The following F13A1 variants were observed in gnomAD, a reference collection of about 807,000 sequenced individuals.
The protein encoded by F13A1 is coagulation factor XIII A chain, also known as FSF, A subunit.
Under a neutral mutation model 80.1 loss-of-function variants are expected in F13A1, and 47 were observed. The ratio of observed to expected loss-of-function variants is 0.59; its 90% CI spans 0.46 to 0.75. The LOEUF (loss-of-function observed/expected upper bound fraction) is 0.75. Among genes scored for constraint, F13A1 ranks in the 30% least tolerant of loss-of-function variants. The probability of loss-of-function intolerance (pLI) is 0.00; values close to 1 mark genes in which losing one functional copy is unlikely to be tolerated. For synonymous variants in F13A1, 349 were observed against 344.9 expected (o/e 1.01, Z -0.13); for missense variants, 817 against 930.4 (o/e 0.88, Z 1.59).
rs528861364 is a variant in F13A1, at chr6:6,190,052, T to C, written c.1305+5745A>G. Among the ~76,000 whole-genome samples the C allele has an allele frequency of 4.9e-3, 744 of 151,994 alleles. 10 individuals carry two copies. Among genetic ancestry groups the C allele is most frequent in the African/African-American group, 0.016 (670 of 41,262 alleles). ...GCTTCTGCATTCTTCACGTAGGTCT[T>C]GAGCCTTGCTTTTCAGCTCCATCAG... On this transcript the variant is annotated intron_variant, in intron 10 of 14. Coordinates refer to ENST00000264870, the MANE Select transcript of F13A1 (RefSeq NM_000129.4).
chr6:6,189,719 G>A (rs546660375), intron 10 of F13A1, among the ~76,000 whole-genome samples: 6 of 146,306 alleles, frequency 4.1e-5, no homozygotes, highest in South Asian at 4.7e-4. Context: ...TGCTCTTCTC[G>A]AGGAGTATCT....
chr6:6,303,159 T>C (rs537480442), intron 3 of F13A1, among the ~76,000 whole-genome samples: 100 of 152,338 alleles, frequency 6.6e-4, no homozygotes, highest in Non-Finnish European at 1.1e-3. Context: ...TATGTCCTAC[T>C]AAATATTTTT....
At chr6:6,211,697 G>T (rs559361074) in intron 8 of F13A1, among the ~76,000 whole-genome samples, 3 of 152,248 alleles carry the variant, frequency 2.0e-5, no homozygotes, top group African/African-American at 4.8e-5. Context: ...AATAGGAACA[G>T]CTCCAGTCTA....
chr6:6,253,560 G>C (rs1757664516), intron 4 of F13A1, among the ~76,000 whole-genome samples: 1 of 152,162 alleles, frequency 6.6e-6, no homozygotes, highest in South Asian at 2.1e-4. Context: ...CTCTCCAGCT[G>C]TTCCCACCGG....
At chr6:6,290,691 C>A (rs1445249825) in intron 3 of F13A1, among the ~76,000 whole-genome samples, 1 of 152,136 alleles carries the variant, frequency 6.6e-6, no homozygotes, top group East Asian at 1.9e-4. Context: ...GAAACACTGT[C>A]CTACTTTCTT....
At chr6:6,195,979 G>A in intron 9 of F13A1, 94 bp from the exon 10 acceptor site, 1 of 1,140,540 alleles carries the variant, frequency 8.8e-7, no homozygotes, top group East Asian at 2.4e-5. Context: ...ACTCTGTAAA[G>A]ACCAGTGTTC....
At chr6:6,214,729 A>G (rs1456570946) in intron 8 of F13A1, among the ~76,000 whole-genome samples, 1 of 79,954 alleles carries the variant, frequency 1.3e-5, no homozygotes, top group East Asian at 3.0e-4. Context: ...CAAAAAATTA[A>G]TGAATCCAGG....
At chr6:6,158,076 G>A (rs556110161) in intron 13 of F13A1, among the ~76,000 whole-genome samples, 1 of 152,298 alleles carries the variant, frequency 6.6e-6, no homozygotes, top group South Asian at 2.1e-4. Flanking sequence ...CGAGGGGATG[G>A]AGAGTCAGCT....
intron 4 of F13A1, among the ~76,000 whole-genome samples, chr6:6,265,247 A>T (rs1350026968): frequency 6.6e-6 from 1 of 152,242 alleles, no homozygotes; most frequent in African/African-American, 2.4e-5. Context: ...TACAAGGATC[A>T]TTCAAAATCA....
At chr6:6,278,383 T>G (rs902829299) in intron 3 of F13A1, among the ~76,000 whole-genome samples, 1 of 151,916 alleles carries the variant, frequency 6.6e-6, no homozygotes, top group Non-Finnish European at 1.5e-5. Context: ...AGAAGAGACT[T>G]GAGAAAAGTG....
chr6:6,253,845 A>C (rs1001788299), intron 4 of F13A1, among the ~76,000 whole-genome samples: 2 of 152,216 alleles, frequency 1.3e-5, no homozygotes, highest in African/African-American at 2.4e-5. Flanking sequence ...AGATCTGATC[A>C]ATACGTGGTG....
At chr6:6,291,560 A>G (rs1007201422) in intron 3 of F13A1, among the ~76,000 whole-genome samples, 51 of 151,930 alleles carry the variant, frequency 3.4e-4, no homozygotes, top group African/African-American at 1.2e-3. Context: ...CCAACTGTTG[A>G]CTCCAGTGGG....
chr6:6,201,332 C>T (rs762698972), intron 8 of F13A1, among the ~76,000 whole-genome samples: 9 of 152,148 alleles, frequency 5.9e-5, no homozygotes, highest in Non-Finnish European at 1.2e-4. Context: ...ATGGCTGAGA[C>T]GTTATCTGTG....
intron 10 of F13A1, among the ~76,000 whole-genome samples, chr6:6,191,709 A>G (rs1441710989): frequency 3.3e-5 from 5 of 152,000 alleles, no homozygotes; most frequent in Admixed American, 6.5e-5. Context: ...TGGTTTGTTT[A>G]TTTGTTTCCA....
intron 12 of F13A1, among the ~76,000 whole-genome samples, chr6:6,167,952 G>T (rs945108109): frequency 6.6e-6 from 1 of 152,194 alleles, no homozygotes; most frequent in Non-Finnish European, 1.5e-5. Flanking sequence ...TGGTGGCTTT[G>T]ATTTGGGCCG....
intron 2 of F13A1, among the ~76,000 whole-genome samples, chr6:6,313,886 T>C (rs953028632): frequency 1.3e-5 from 2 of 152,108 alleles, no homozygotes; most frequent in Admixed American, 6.5e-5. Flanking sequence ...ATGAGCCCCA[T>C]ACCTCCAGGG....
chr6:6,198,305 T>C (rs1447934421), intron 8 of F13A1, among the ~76,000 whole-genome samples: 2 of 152,246 alleles, frequency 1.3e-5, no homozygotes, highest in African/African-American at 2.4e-5. Context: ...TGTATTATTA[T>C]GTCCTTGAAA....
At position 6,212,112 on chromosome 6, in the gene F13A1, G is replaced by A. The variant is rs185846079; in HGVS notation, c.1112+9921C>T. ...CAGCAAGGCTGGCGGAGGGGCGCCC[G>A]CCATTGCCCAGGTTTGCTTAGGTAA... On this transcript the variant is annotated intron_variant, in intron 8 of 14. Transcript: ENST00000264870. Among the ~76,000 whole-genome samples, 997 of 152,358 alleles carry A rather than the reference G, an allele frequency of 6.5e-3. 8 individuals are homozygous for A. The highest frequency in any genetic ancestry group is 0.054 in the Middle Eastern group (16 of 294).
At chr6:6,232,289 G>A (rs1170370275) in intron 6 of F13A1, among the ~76,000 whole-genome samples, 1 of 152,146 alleles carries the variant, frequency 6.6e-6, no homozygotes, top group Non-Finnish European at 1.5e-5. Context: ...CCAAAAGCGA[G>A]CAGGGGTAGC....
Sources: allele counts gnomAD v4.1 joint callset (sites outside exome capture counted in the v4.1 genomes callset), GRCh38; gene constraint gnomAD v4.1.1; transcripts MANE v1.5; gene names NCBI Gene and HGNC (gene_info 2026-07-23, HGNC 2026-07-21).